The following PLB1 variants were observed in gnomAD, a reference collection of about 807,000 sequenced individuals.
PLB1 encodes the protein phospholipase B1, membrane-associated.
PLB1 carries 242 observed loss-of-function variants against 227.4 expected under a neutral mutation model. That is an observed-to-expected ratio of 1.06 (90% CI 0.96 to 1.18). The LOEUF is 1.18. Ranked by LOEUF, PLB1 falls within the 50% of genes most tolerant of loss-of-function variation. The pLI, the probability that PLB1 is intolerant of heterozygous loss-of-function variation, is 0.00. For synonymous variants in PLB1, 757 were observed against 682.2 expected, an observed-to-expected ratio of 1.11 and a Z score of -1.71; for missense variants, 1,858 against 1,816.3, an observed-to-expected ratio of 1.02 and a Z score of -0.42.
rs564722682 is a variant in PLB1 at position 28,535,612 on chromosome 2, G to A, written c.556-2707G>A. On this transcript the variant is annotated intron_variant, in intron 9 of 57. Transcript: ENST00000327757. ...CATCTCAGGTATAAGCTCTCCCTCG[G>A]TGGTTGTAAAAATGTGCTCTGTAGA... 2.6e-5 allele frequency among the ~76,000 whole-genome samples: 4 copies of A among 152,260 alleles called. No individual in the cohort carries two copies. In the East Asian group the frequency reaches 7.7e-4, roughly 29 times the overall value.
At chr2:28,567,746 A>G (rs1305275287) in intron 20 of PLB1, among the ~76,000 whole-genome samples, 1 of 152,164 alleles carries the variant, frequency 6.6e-6, no homozygotes, top group African/African-American at 2.4e-5. Context: ...TGCTGGGATT[A>G]CAGGCGGAAT....
At chr2:28,543,465 C>T (rs956325789) in intron 14 of PLB1, among the ~76,000 whole-genome samples, 197 bp downstream of exon 14, 3 of 152,330 alleles carry the variant, frequency 2.0e-5, no homozygotes, top group East Asian at 1.9e-4. Context: ...ACAGGTTCTG[C>T]GCTGCAGCCA....
Position 28,506,022 on chromosome 2 carries a change from A to T in PLB1, c.55+9853A>T, listed in dbSNP as rs1305870128. On this transcript the variant is annotated intron_variant, in intron 1 of 57. Coordinates refer to ENST00000327757, the MANE Select transcript of PLB1 (RefSeq NM_153021.5). ...GGCTCAGAAGTTCTACTTTCCTGGGATGTCATCTGTGCCTTGTAGATTTCT... is the reference window on the plus strand; with the variant it reads ...GGCTCAGAAGTTCTACTTTCCTGGGTTGTCATCTGTGCCTTGTAGATTTCT... 2.6e-5 allele frequency among the ~76,000 whole-genome samples: 4 copies of T among 152,154 alleles called. No individual in the cohort carries two copies. In the East Asian group the frequency reaches 5.8e-4, roughly 22 times the overall value.
chr2:28,550,572 G>A (rs1168640400), intron 16 of PLB1, among the ~76,000 whole-genome samples: 8 of 144,152 alleles, frequency 5.5e-5, no homozygotes, highest in Non-Finnish European at 1.2e-4. Context: ...ACAGAATCTC[G>A]CTATGTCATC....
chr2:28,510,667 A>C (rs1390752813), intron 1 of PLB1, among the ~76,000 whole-genome samples: 11 of 106,848 alleles, frequency 1.0e-4, no homozygotes, highest in Admixed American at 5.5e-4. Flanking sequence ...TTTACCACCC[A>C]GGCTGGAGTG....
chr2:28,534,469 G>A (rs1028266866), intron 9 of PLB1, among the ~76,000 whole-genome samples: 4 of 152,216 alleles, frequency 2.6e-5, no homozygotes, highest in Non-Finnish European at 5.9e-5. Context: ...AGTAAGGTAA[G>A]TATTGGTTCA....
intron 43 of PLB1, among the ~76,000 whole-genome samples, chr2:28,608,513 T>G (rs561143934): frequency 2.0e-5 from 3 of 152,344 alleles, no homozygotes; most frequent in East Asian, 3.9e-4. Flanking sequence ...GCTCATACGT[T>G]CTGTGTGCCA....
At chr2:28,634,964 C>T (rs1021212111) in intron 56 of PLB1, among the ~76,000 whole-genome samples, 8 of 152,048 alleles carry the variant, frequency 5.3e-5, no homozygotes, top group Admixed American at 4.6e-4. Context: ...TCTTCTAAAG[C>T]AGTTCAGTAG....
intron 18 of PLB1, 122 bp downstream of exon 18, chr2:28,563,221 C>G: frequency 1.0e-6 from 1 of 965,646 alleles, no homozygotes; most frequent in Non-Finnish European, 1.6e-6. Flanking sequence ...CATCTCGGGT[C>G]CTGATCTCCA....
At chr2:28,528,984 G>A (rs1183657351) in intron 6 of PLB1, among the ~76,000 whole-genome samples, 1 of 119,700 alleles carries the variant, frequency 8.4e-6, no homozygotes, top group East Asian at 2.3e-4. Context: ...GTCTTGCTCT[G>A]TTGCCCAGGC....
chr2:28,642,697 G>T (rs570403215), intron 57 of PLB1, among the ~76,000 whole-genome samples, 161 bp from the exon 58 acceptor site: 1 of 152,208 alleles, frequency 6.6e-6, no homozygotes, highest in Admixed American at 6.5e-5. Flanking sequence ...GCTAAAGAGG[G>T]TTTGGGCACA....
At chr2:28,501,519 T>C (rs1667099714) in intron 1 of PLB1, among the ~76,000 whole-genome samples, 1 of 152,204 alleles carries the variant, frequency 6.6e-6, no homozygotes, top group Non-Finnish European at 1.5e-5. Context: ...TGCTTTTTAC[T>C]AAGTCTTTTC....
chr2:28,528,982 C>T (rs914139162), intron 6 of PLB1, among the ~76,000 whole-genome samples: 9 of 136,184 alleles, frequency 6.6e-5, no homozygotes, highest in Non-Finnish European at 1.4e-4. Context: ...GGGTCTTGCT[C>T]TGTTGCCCAG....
chr2:28,585,936 C>A, intron 26 of PLB1, 94 bp downstream of exon 26: 1 of 1,165,546 alleles, frequency 8.6e-7, no homozygotes. Flanking sequence ...TAATTTTGAC[C>A]CTGTGTGGGG....
chr2:28,570,768 A>G (rs1677879678), intron 20 of PLB1, among the ~76,000 whole-genome samples: 1 of 152,238 alleles, frequency 6.6e-6, no homozygotes, highest in African/African-American at 2.4e-5. Flanking sequence ...CCTGAGTGAC[A>G]GAGTAAGACT....
intron 9 of PLB1, among the ~76,000 whole-genome samples, chr2:28,535,793 T>C (rs1380614148): frequency 1.2e-4 from 18 of 152,068 alleles, no homozygotes; most frequent in Admixed American, 1.1e-3. Flanking sequence ...TGGTGGTGCA[T>C]GCCTGTAGTC....
chr2:28,619,378 G>A (rs1189857827), intron 46 of PLB1, among the ~76,000 whole-genome samples: 1 of 152,224 alleles, frequency 6.6e-6, no homozygotes, highest in African/African-American at 2.4e-5. Flanking sequence ...CACCACTAAT[G>A]AGCTCTGGTG....
At chr2:28,589,950 C>G in intron 28 of PLB1, 55 bp from the exon 29 acceptor site, 1 of 1,534,886 alleles carries the variant, frequency 6.5e-7, no homozygotes, top group South Asian at 1.1e-5. Flanking sequence ...GCGTCCTGAG[C>G]TTTCCATTCT....
In PLB1 at chr2:28,566,859, C is replaced by T. The variant is rs202204386; in HGVS notation, c.1324+20C>T. The T allele has an allele frequency of 2.2e-5, 36 of 1,613,680 alleles. No individual in the cohort carries two copies. The highest frequency in any genetic ancestry group is 4.4e-5 in the South Asian group (4 of 91,074). ...TGGCGAGTGAGTACGCGGCGGCGGC[C>T]GGGATGTTTGGTTTGGGGCGGCCCC... On this transcript the variant is annotated intron_variant, in intron 20 of 57. Transcript: ENST00000327757.
Sources: gnomAD v4.1 joint callset for allele counts (sites outside exome capture counted in the v4.1 genomes callset) on GRCh38, gnomAD v4.1.1 for gene constraint, MANE v1.5 for transcripts, NCBI Gene and HGNC (gene_info 2026-07-23, HGNC 2026-07-21) for gene names.